IBTK: variants seen among roughly 807,000 people sequenced by gnomAD.
IBTK encodes BTK-binding protein.
A neutral mutation model predicts 154.9 loss-of-function variants in IBTK; 83 were observed. The ratio of observed to expected loss-of-function variants is 0.54; its 90% CI spans 0.45 to 0.64. IBTK has a LOEUF of 0.64. Ranked by LOEUF, IBTK falls within the 30% of genes least tolerant of loss-of-function variation. The pLI, the probability that IBTK is intolerant of heterozygous loss-of-function variation, is 0.00. For synonymous variants in IBTK, 515 were observed against 536.1 expected, an observed-to-expected ratio of 0.96 and a Z score of 0.54; for missense variants, 1,332 against 1,584.6, an observed-to-expected ratio of 0.84 and a Z score of 2.71.
Position 82,234,191 on chromosome 6 carries a change from TCC to T in IBTK, c.384_385del (p.Asp129Ter). 1 of 1,604,582 alleles carries T rather than the reference TCC, an allele frequency of 6.2e-7. No individual in the cohort carries two copies. The highest frequency in any genetic ancestry group is 8.5e-7 in the Non-Finnish European group (1 of 1,172,912). On this transcript the variant is annotated frameshift_variant, in exon 3 of 29. Transcript: ENST00000306270. LOFTEE classifies it high-confidence loss of function. ...CTTGAATACTACATGAGTTGGTCTA[TCC>T]TTCATTACAAGATCCAAAGCTGACA...
At chr6:82,201,608 T>C (rs935586494) in intron 18 of IBTK, 126 bp from the exon 19 acceptor site, 5 of 539,474 alleles carry the variant, frequency 9.3e-6, no homozygotes, top group South Asian at 3.5e-5. Context: ...GCATTATATA[T>C]AGCAGTTGCT....
chr6:82,213,321 G>A (rs1456937872), intron 12 of IBTK, among the ~76,000 whole-genome samples: 1 of 151,958 alleles, frequency 6.6e-6, no homozygotes. Flanking sequence ...GAGCCACCGC[G>A]CCCGGCCCCT....
intron 11 of IBTK, among the ~76,000 whole-genome samples, chr6:82,215,071 T>C (rs1430698738): frequency 6.6e-6 from 1 of 152,200 alleles, no homozygotes; most frequent in Non-Finnish European, 1.5e-5. Flanking sequence ...TGATAAGAAC[T>C]AAGTTGTCCG....
At chr6:82,227,773 C>T (rs1484298340) in intron 4 of IBTK, among the ~76,000 whole-genome samples, 1 of 151,890 alleles carries the variant, frequency 6.6e-6, no homozygotes, top group African/African-American at 2.4e-5. Flanking sequence ...TTATACATGG[C>T]GTAGGGGGCA....
intron 4 of IBTK, among the ~76,000 whole-genome samples, chr6:82,228,780 C>G (rs1408183536): frequency 3.9e-5 from 6 of 152,048 alleles, no homozygotes; most frequent in Non-Finnish European, 8.8e-5. Context: ...CGCCACCACG[C>G]CTGGCTAATT....
At chr6:82,209,941 C>T (rs1039720388) in intron 16 of IBTK, among the ~76,000 whole-genome samples, 2 of 152,036 alleles carry the variant, frequency 1.3e-5, no homozygotes, top group African/African-American at 4.8e-5. Context: ...TTTTCTTATA[C>T]ATTTGTCTTC....
rs984612523 is a variant in IBTK at position 82,170,437 on chromosome 6, C to T, written c.*988G>A. 7 of 152,264 alleles carry T rather than the reference C, an allele frequency of 4.6e-5. No homozygotes were observed. Among genetic ancestry groups the T allele is most frequent in the African/African-American group, 1.4e-4 (6 of 41,542 alleles). 9.4% of individuals were successfully genotyped at this position (152,264 alleles called of 1,614,324 possible). ...TTTCCAATTTATCTAGGTACTGAAG[C>T]ACAAATTTAACATTTGTTTTTGCAA... is the stretch of plus-strand genomic sequence containing the variant. On this transcript the variant is annotated 3_prime_UTR_variant, in exon 29 of 29. Coordinates refer to ENST00000306270, the MANE Select transcript of IBTK (RefSeq NM_015525.4).
chr6:82,179,409 G>C (rs1768230964), intron 26 of IBTK, among the ~76,000 whole-genome samples: 1 of 152,226 alleles, frequency 6.6e-6, no homozygotes, highest in Non-Finnish European at 1.5e-5. Context: ...AGATAGAATG[G>C]TAGGGTCAAT....
Position 82,211,348 on chromosome 6 carries a change from CT to C in IBTK, c.2412+18del, listed in dbSNP as rs763797100. 11 of 1,582,458 alleles carry C rather than the reference CT, an allele frequency of 7.0e-6. No individual in the cohort carries two copies. Among genetic ancestry groups the C allele is most frequent in the Admixed American group, 1.9e-5 (1 of 53,386 alleles). On this transcript the variant is annotated intron_variant, in intron 15 of 28. Transcript: ENST00000306270. ...AGAAACATAGTTACCAACCTAGGCG[CT>C]TTTTACTTAAATCTTACCTCAATCC...
chr6:82,196,315 G>T lies in IBTK; in HGVS notation c.3157C>A (p.His1053Asn). Residue 1053 changes from histidine (H) to asparagine (N), a missense_variant, in exon 22 of 29, where the codon CAT (histidine) becomes AAT (asparagine). This residue lies in a region of IBTK where 1,134 missense variants were observed against 1,274.7 expected (regional missense o/e 0.89). Coordinates refer to ENST00000306270, the MANE Select transcript of IBTK (RefSeq NM_015525.4). The stretch of plus-strand genomic sequence containing the variant: ...AAACAAACCTCAATCTTATCTGAAT[G>T]AAATCCTGTTGTGAAATCAGGGGAC... Reference protein sequence around the residue: ...LQSPDFTTGFHSDKIEAKVKP... With the variant: ...LQSPDFTTGFNSDKIEAKVKP... 1 of 1,605,234 alleles carries T rather than the reference G, an allele frequency of 6.2e-7. No individual in the cohort carries two copies. Among genetic ancestry groups the T allele is most frequent in the Non-Finnish European group, 8.5e-7 (1 of 1,176,560 alleles).
Position 82,200,268 on chromosome 6 carries a change from A to C in IBTK, c.2913-15T>G, listed in dbSNP as rs370503789. On this transcript the variant is annotated splice_polypyrimidine_tract_variant and intron_variant, in intron 20 of 28. Coordinates refer to ENST00000306270, the MANE Select transcript of IBTK (RefSeq NM_015525.4). Reference sequence around the variant, plus strand: ...ACATAGTTTCCCTAGGAAAAAGCAAACATAATTTCAGCAGTGTTTAGGGAG... The same window carrying C: ...ACATAGTTTCCCTAGGAAAAAGCAACCATAATTTCAGCAGTGTTTAGGGAG... 728 of 1,573,394 alleles carry C rather than the reference A, an allele frequency of 4.6e-4. No homozygotes were observed. The highest frequency in any genetic ancestry group is 6.0e-4 in the Non-Finnish European group (688 of 1,144,132).
intron 28 of IBTK, 53 bp from the exon 29 acceptor site, chr6:82,171,609 C>G (rs1467785693): frequency 1.3e-6 from 2 of 1,490,384 alleles, no homozygotes; most frequent in Non-Finnish European, 1.8e-6. Flanking sequence ...ATAAACTAAG[C>G]AGGATGTATT....
chr6:82,237,547 T>C (rs1408160933), intron 2 of IBTK, among the ~76,000 whole-genome samples: 1 of 128,824 alleles, frequency 7.8e-6, no homozygotes, highest in Non-Finnish European at 1.7e-5. Context: ...TAAGTAGTAG[T>C]AGTAGCAGCA....
intron 2 of IBTK, among the ~76,000 whole-genome samples, chr6:82,238,282 G>T (rs1770810438): frequency 6.6e-6 from 1 of 151,862 alleles, no homozygotes; most frequent in Non-Finnish European, 1.5e-5. Context: ...AAATAAAATT[G>T]TTAAATTTAA....
chr6:82,239,722 C>CT (rs145919333), intron 2 of IBTK, among the ~76,000 whole-genome samples: 36,110 of 151,708 alleles, frequency 0.24, 4,305 homozygotes, highest in African/African-American at 0.28. Flanking sequence ...TCTGCATCGG[C>CT]CTATAAAAGC....
At chr6:82,234,605 G>A (rs574160801) in intron 2 of IBTK, among the ~76,000 whole-genome samples, 1 of 152,112 alleles carries the variant, frequency 6.6e-6, no homozygotes, top group South Asian at 2.1e-4. Flanking sequence ...CCAAAGTGCT[G>A]GGATTACAGG....
rs187425885 is a variant in IBTK at position 82,228,690 on chromosome 6, C to T, written c.544-1388G>A. ...AGGCTGGAGTGCAGTGGCGCCATCT[C>T]GGTTCACTGCAAGCTCTGCCTCCCG... On this transcript the variant is annotated intron_variant, in intron 4 of 28. Transcript: ENST00000306270. Among the ~76,000 whole-genome samples, 1,216 of 151,700 alleles carry T rather than the reference C, an allele frequency of 8.0e-3. 19 individuals are homozygous for T. Among genetic ancestry groups the T allele is most frequent in the African/African-American group, 0.028 (1,144 of 41,332 alleles).
chr6:82,180,801 G>T (rs904079064), intron 26 of IBTK, among the ~76,000 whole-genome samples: 5 of 152,114 alleles, frequency 3.3e-5, no homozygotes, highest in Non-Finnish European at 7.4e-5. Flanking sequence ...TAGTTCCTCA[G>T]GACAGGTAAA....
chr6:82,242,866 G>A (rs1251477353), intron 1 of IBTK, among the ~76,000 whole-genome samples: 1 of 151,862 alleles, frequency 6.6e-6, no homozygotes, highest in Non-Finnish European at 1.5e-5. Context: ...GAACCCAGGA[G>A]GTGGAGGCTG....
Sources: gnomAD v4.1 joint callset for allele counts (sites outside exome capture counted in the v4.1 genomes callset) on GRCh38, gnomAD v4.1.1 for gene constraint, gnomAD v4.1.1 regional missense constraint, MANE v1.5 for transcripts, NCBI Gene and HGNC (gene_info 2026-07-23, HGNC 2026-07-21) for gene names.